SCP2: variants seen among roughly 807,000 people sequenced by gnomAD.
SCP2 encodes sterol carrier protein 2, also known as SCP-2/3-oxoacyl-CoA thiolase.
A neutral mutation model predicts 71.4 loss-of-function variants in SCP2; 48 were observed. The observed-to-expected ratio is 0.67, with a 90% CI of 0.53 to 0.86. The LOEUF (loss-of-function observed/expected upper bound fraction) is 0.86, where lower values mean the gene tolerates loss of function less well. Ranked by LOEUF, SCP2 falls within the 40% of genes least tolerant of loss-of-function variation. The pLI, the probability that SCP2 is intolerant of heterozygous loss-of-function variation, is 0.00. For synonymous variants in SCP2, 220 were observed against 218.1 expected (o/e 1.01, Z -0.08); for missense variants, 560 against 655.6 (o/e 0.85, Z 1.59).
chr1:52,986,940 C>T (rs1171607060), intron 10 of SCP2, among the ~76,000 whole-genome samples: 6 of 149,212 alleles, frequency 4.0e-5, no homozygotes, highest in African/African-American at 1.5e-4. Context: ...ATGTAGTACT[C>T]AGCACATACA....
intron 2 of SCP2, chr1:52,943,728 G>A (rs1020544631): frequency 1.1e-5 from 5 of 460,484 alleles, no homozygotes; most frequent in Non-Finnish European, 2.2e-5. Context: ...TGCACCAGAC[G>A]CTGGAAGGGA....
At chr1:53,040,388 G>A (rs1053002379) in intron 14 of SCP2, among the ~76,000 whole-genome samples, 1 of 152,194 alleles carries the variant, frequency 6.6e-6, no homozygotes, top group African/African-American at 2.4e-5. Context: ...CTCTTGGTTG[G>A]GGGCTTTCTG....
chr1:52,981,419 T>C (rs1022041220), intron 10 of SCP2, among the ~76,000 whole-genome samples: 2 of 151,576 alleles, frequency 1.3e-5, no homozygotes, highest in South Asian at 4.2e-4. Flanking sequence ...AAAAATAGAA[T>C]GTAAAGTATT....
At chr1:53,028,604 A>C (rs1001016531) in intron 13 of SCP2, among the ~76,000 whole-genome samples, 1 of 152,120 alleles carries the variant, frequency 6.6e-6, no homozygotes, top group African/African-American at 2.4e-5. Context: ...GAATAGTATA[A>C]ATTTTATACT....
At chr1:52,999,491 T>G (rs1660161300) in intron 11 of SCP2, among the ~76,000 whole-genome samples, 1 of 152,194 alleles carries the variant, frequency 6.6e-6, no homozygotes, top group South Asian at 2.1e-4. Context: ...GAATTAGCTT[T>G]AAAAATTAAA....
chr1:52,995,805 C>T (rs1238616101), intron 11 of SCP2: 12 of 887,450 alleles, frequency 1.4e-5, no homozygotes, highest in African/African-American at 9.6e-5. Flanking sequence ...GGCAGCAGCA[C>T]GGCCATCCAG....
intron 10 of SCP2, among the ~76,000 whole-genome samples, chr1:52,984,821 G>A (rs988692237): frequency 3.4e-5 from 5 of 145,594 alleles, no homozygotes; most frequent in African/African-American, 5.2e-5. Context: ...ATAGGTGTGA[G>A]CCACCACACC....
At chr1:52,961,903 A>T (rs1656494349) in intron 6 of SCP2, among the ~76,000 whole-genome samples, 1 of 151,582 alleles carries the variant, frequency 6.6e-6, no homozygotes, top group Non-Finnish European at 1.5e-5. Flanking sequence ...ATCATGGACT[A>T]TAAATTATTT....
At chr1:53,002,376 T>A (rs893195320) in intron 11 of SCP2, among the ~76,000 whole-genome samples, 5 of 152,338 alleles carry the variant, frequency 3.3e-5, no homozygotes, top group Non-Finnish European at 5.9e-5. Flanking sequence ...GCAAAGGGAA[T>A]ACATTTGTTT....
intron 11 of SCP2, chr1:52,995,035 G>T: frequency 3.9e-6 from 2 of 506,476 alleles, no homozygotes; most frequent in Admixed American, 4.3e-5. Flanking sequence ...CTGGGCCAAA[G>T]GCCACTACAT....
intron 5 of SCP2, among the ~76,000 whole-genome samples, chr1:52,960,474 ATG>A (rs10564767): frequency 0.15 from 16,672 of 113,992 alleles, 1,254 homozygotes; most frequent in East Asian, 0.39. Context: ...CCTGGCTACT[ATG>A]TATATGTGTG....
intron 11 of SCP2, among the ~76,000 whole-genome samples, chr1:52,988,545 A>C (rs1231961126): frequency 6.6e-6 from 1 of 152,222 alleles, no homozygotes; most frequent in African/African-American, 2.4e-5. Context: ...TGGCCGTGTG[A>C]AACTATTTTT....
Position 52,988,058 on chromosome 1 carries a change from G to C in SCP2, c.1003G>C (p.Asp335His). Residue 335 changes from aspartate (D) to histidine (H), a missense_variant, in exon 11 of 16, where the codon GAT becomes CAT. Around this residue, in one of 3 missense-constraint regions of SCP2, gnomAD observed 513 missense variants for 573.1 expected, o/e 0.90. Coordinates refer to ENST00000371514, the MANE Select transcript of SCP2 (RefSeq NM_002979.5). ...AGGTGCAACGCTGGTTGATAGAGGA[G>C]ATAATACATATGGAGGAAAGTGGGT... Reference protein sequence around the residue: ...GQGATLVDRGDNTYGGKWVIN... With the variant: ...GQGATLVDRGHNTYGGKWVIN... The C allele has an allele frequency of 6.2e-7, 1 of 1,603,290 alleles. No homozygotes were observed. Among genetic ancestry groups the C allele is most frequent in the Non-Finnish European group, 8.5e-7 (1 of 1,170,686 alleles).
At chr1:53,007,322 A>G (rs1475003818) in intron 11 of SCP2, among the ~76,000 whole-genome samples, 1 of 152,244 alleles carries the variant, frequency 6.6e-6, no homozygotes, top group Non-Finnish European at 1.5e-5. Context: ...AACAGAATAT[A>G]TATTCTTCTC....
In SCP2 at chr1:52,996,968, A is replaced by AACTTG. The variant is rs531610162; in HGVS notation, c.1081+8833_1081+8837dup. 7.1e-3 allele frequency among the ~76,000 whole-genome samples: 1,084 copies of AACTTG among 152,182 alleles called. 8 individuals carry two copies. The highest frequency in any genetic ancestry group is 0.012 in the Non-Finnish European group (846 of 68,018). On this transcript the variant is annotated intron_variant, in intron 11 of 15. Coordinates refer to ENST00000371514, the MANE Select transcript of SCP2 (RefSeq NM_002979.5). ...TCCTACACTACAGATTTCTATTTTG[A>AACTTG]ACTTGCTGCCTTTTTTCATATTGAA...
chr1:53,039,183 C>G lies in SCP2; in HGVS notation c.1468+137C>G, dbSNP rs577865576. ...TAAAGAACCAGTAAATTCCAGGGAA[C>G]AGGAACAGGTCAAAGCCACCTCCTC... On this transcript the variant is annotated intron_variant, in intron 14 of 15. Coordinates refer to ENST00000371514, the MANE Select transcript of SCP2 (RefSeq NM_002979.5). The G allele has an allele frequency of 1.1e-4, 122 of 1,101,980 alleles. 1 individual carries two copies. Among genetic ancestry groups the G allele is most frequent in the Admixed American group, 1.1e-3 (53 of 49,600 alleles). 68.3% of individuals were successfully genotyped at this position (1,101,980 alleles called of 1,614,324 possible).
chr1:52,941,774 T>C, intron 1 of SCP2, 22 bp from the exon 2 acceptor site: 6 of 1,528,190 alleles, frequency 3.9e-6, no homozygotes, highest in Non-Finnish European at 4.5e-6. Context: ...TTTGTATTTA[T>C]TATCTCTTTC....
intron 5 of SCP2, among the ~76,000 whole-genome samples, chr1:52,961,151 A>G (rs1016615970): frequency 6.9e-6 from 1 of 144,528 alleles, no homozygotes; most frequent in Non-Finnish European, 1.5e-5. Context: ...ATACGTATGC[A>G]TGTGCCATGT....
chr1:52,933,069 T>A (rs574157600), intron 1 of SCP2, among the ~76,000 whole-genome samples: 55 of 152,336 alleles, frequency 3.6e-4, no homozygotes, highest in African/African-American at 1.3e-3. Context: ...GATCTTAAAA[T>A]ATCTTTTTCT....
Sources: allele counts gnomAD v4.1 joint callset (sites outside exome capture counted in the v4.1 genomes callset), GRCh38; gene constraint gnomAD v4.1.1; regional missense constraint gnomAD v4.1.1; transcripts MANE v1.5; gene names NCBI Gene and HGNC (gene_info 2026-07-23, HGNC 2026-07-21).